AUTS2: variants seen among roughly 807,000 people sequenced by gnomAD.
AUTS2 encodes autism susceptibility gene 2 protein.
AUTS2 carries 17 observed loss-of-function variants against 112.4 expected under a neutral mutation model. The observed-to-expected ratio is 0.15, with a 90% CI of 0.10 to 0.23. The LOEUF (loss-of-function observed/expected upper bound fraction) is 0.23. Among genes scored for constraint, AUTS2 ranks in the 10% least tolerant of loss-of-function variants. The pLI is 1.00. For synonymous variants in AUTS2, 751 were observed against 702.7 expected, an observed-to-expected ratio of 1.07 and a Z score of -1.09; for missense variants, 1,510 against 1,701.6, an observed-to-expected ratio of 0.89 and a Z score of 1.98.
At chr7:70,117,110 TTTTTTTGTTTTTTTTTG>T (rs1805404000) in intron 2 of AUTS2, among the ~76,000 whole-genome samples, 1 of 100,888 alleles carries the variant, frequency 9.9e-6, no homozygotes, top group African/African-American at 4.4e-5. Context: ...TTTTGTTTTT[TTTTTTTGTTTTTTTTTG>T]TTTTTTTTTG....
intron 1 of AUTS2, among the ~76,000 whole-genome samples, chr7:69,861,956 A>T (rs780075256): frequency 2.6e-5 from 4 of 152,198 alleles, no homozygotes; most frequent in Non-Finnish European, 5.9e-5. Context: ...CCTGTGCCTC[A>T]TAACCAAGTT....
At chr7:69,835,654 A>G (rs921703432) in intron 1 of AUTS2, among the ~76,000 whole-genome samples, 8 of 152,328 alleles carry the variant, frequency 5.3e-5, no homozygotes, top group South Asian at 2.1e-4. Context: ...AGAGATTGCC[A>G]TAGAGGAAGA....
intron 2 of AUTS2, among the ~76,000 whole-genome samples, chr7:69,937,409 A>G (rs1796456656): frequency 6.6e-6 from 1 of 152,202 alleles, no homozygotes; most frequent in Non-Finnish European, 1.5e-5. Flanking sequence ...AGCTGCCTCT[A>G]AATCTGTTTT....
rs186157478 is a variant in AUTS2 at position 70,643,919 on chromosome 7, T to C, written c.691-54650T>C. Among the ~76,000 whole-genome samples the C allele has an allele frequency of 3.4e-3, 516 of 152,212 alleles. 5 individuals are homozygous for C. The highest frequency in any genetic ancestry group is 0.012 in the African/African-American group (495 of 41,534). Reference sequence around the variant, plus strand: ...GACTGGCTCAGTCCATCCCTCCCTTTCCACCAAGACAGCCTCTGCTATGAC... The same window carrying C: ...GACTGGCTCAGTCCATCCCTCCCTTCCCACCAAGACAGCCTCTGCTATGAC... On this transcript the variant is annotated intron_variant, in intron 5 of 18. Coordinates refer to ENST00000342771, the MANE Select transcript of AUTS2 (RefSeq NM_015570.4).
At chr7:69,877,933 T>C (rs1793876706) in intron 1 of AUTS2, among the ~76,000 whole-genome samples, 1 of 152,004 alleles carries the variant, frequency 6.6e-6, no homozygotes, top group Admixed American at 6.6e-5. Flanking sequence ...GGAGAAGATA[T>C]AGTTGGTACC....
chr7:70,428,276 T>C (rs17488553), intron 4 of AUTS2, among the ~76,000 whole-genome samples: 3 of 152,128 alleles, frequency 2.0e-5, no homozygotes, highest in Non-Finnish European at 2.9e-5. Context: ...TGTGGATTGA[T>C]GAAAAACAGA....
At chr7:70,398,926 G>A (rs1049518208) in intron 4 of AUTS2, among the ~76,000 whole-genome samples, 2 of 149,392 alleles carry the variant, frequency 1.3e-5, no homozygotes, top group Admixed American at 1.3e-4. Context: ...TTTGATTTTT[G>A]TGTGTGTTTT....
chr7:70,288,751 C>G (rs1170783274), intron 4 of AUTS2, among the ~76,000 whole-genome samples: 15 of 151,996 alleles, frequency 9.9e-5, no homozygotes, highest in Admixed American at 9.8e-4. Context: ...GATAGAGAGG[C>G]CTGAATGGTA....
At chr7:70,576,014 G>T (rs879356271) in intron 5 of AUTS2, among the ~76,000 whole-genome samples, 1 of 152,162 alleles carries the variant, frequency 6.6e-6, no homozygotes, top group African/African-American at 2.4e-5. Context: ...TATGGTCAGT[G>T]CTTCATGGAT....
At chr7:70,017,706 T>G (rs1800090994) in intron 2 of AUTS2, among the ~76,000 whole-genome samples, 1 of 152,140 alleles carries the variant, frequency 6.6e-6, no homozygotes. Flanking sequence ...ATCATCAAAC[T>G]AGCCATCACT....
At chr7:69,625,499 G>A (rs1433697017) in intron 1 of AUTS2, among the ~76,000 whole-genome samples, 3 of 152,114 alleles carry the variant, frequency 2.0e-5, no homozygotes, top group Admixed American at 1.3e-4. Flanking sequence ...CTTTTTTGGC[G>A]GGGCAGGGGC....
At chr7:70,408,372 A>G (rs1794632043) in intron 4 of AUTS2, among the ~76,000 whole-genome samples, 1 of 152,172 alleles carries the variant, frequency 6.6e-6, no homozygotes, top group African/African-American at 2.4e-5. Flanking sequence ...AAGCAGAACC[A>G]CAGTGGGGAC....
At chr7:69,921,175 T>C (rs12698816) in intron 2 of AUTS2, among the ~76,000 whole-genome samples, 53,900 of 151,934 alleles carry the variant, frequency 0.35, 10,024 homozygotes, top group African/African-American at 0.46. Context: ...AATGCCTATG[T>C]GTTTTTCCTG....
intron 18 of AUTS2, among the ~76,000 whole-genome samples, chr7:70,788,225 A>T (rs1362182689): frequency 2.0e-5 from 3 of 152,144 alleles, no homozygotes; most frequent in African/African-American, 7.2e-5. Context: ...ACCTAATCCC[A>T]ATTTCCTTGC....
intron 1 of AUTS2, among the ~76,000 whole-genome samples, chr7:69,762,541 T>G (rs756814390): frequency 4.6e-5 from 7 of 151,934 alleles, no homozygotes; most frequent in Non-Finnish European, 7.4e-5. Flanking sequence ...ACTTCTAAGC[T>G]CAAGCCATCT....
intron 1 of AUTS2, among the ~76,000 whole-genome samples, chr7:69,807,168 C>G (rs1460490461): frequency 6.6e-6 from 1 of 152,136 alleles, no homozygotes; most frequent in Non-Finnish European, 1.5e-5. Flanking sequence ...AATTTTGTTT[C>G]CAGTCGTTTT....
At chr7:70,008,207 T>A (rs1450830973) in intron 2 of AUTS2, among the ~76,000 whole-genome samples, 3 of 152,318 alleles carry the variant, frequency 2.0e-5, no homozygotes, top group Admixed American at 2.0e-4. Flanking sequence ...ATATTCATAT[T>A]TTTTCTTTAT....
chr7:69,856,617 A>C (rs532825422), intron 1 of AUTS2, among the ~76,000 whole-genome samples: 22 of 152,314 alleles, frequency 1.4e-4, no homozygotes, highest in Admixed American at 4.6e-4. Context: ...AACTAGTTGC[A>C]TAGTCTTGGA....
Position 70,790,455 on chromosome 7 carries a change from G to T in AUTS2, c.3239G>T (p.Arg1080Leu), listed in dbSNP as rs779628884. ...CGGGACCCCTTGAGGGATCCTTACC[G>T]AGAACTTGACATTCACCGGAGAGAC... The part of the protein sequence containing the change: ...PIRDPLRDPY[R>L]ELDIHRRDPL... The change falls in exon 19 of 19, where the codon CGA becomes CTA. Residue 1080 changes from arginine (R) to leucine (L), a missense_variant. Coordinates refer to ENST00000342771, the MANE Select transcript of AUTS2 (RefSeq NM_015570.4). The surrounding 1 kb of genome is among the most constrained non-coding windows in gnomAD (Gnocchi z 7.6). 1 of 1,612,318 alleles carries T rather than the reference G, an allele frequency of 6.2e-7. No homozygotes were observed. Among genetic ancestry groups the T allele is most frequent in the South Asian group, 1.1e-5 (1 of 90,922 alleles).
Sources: gnomAD v4.1 joint callset for allele counts (sites outside exome capture counted in the v4.1 genomes callset) on GRCh38, gnomAD v4.1.1 for gene constraint, Gnocchi (gnomAD v3.1) non-coding constraint, MANE v1.5 for transcripts, NCBI Gene and HGNC (gene_info 2026-07-23, HGNC 2026-07-21) for gene names.